PDE8B: variants seen among roughly 807,000 people sequenced by gnomAD.
The protein encoded by PDE8B is high affinity cAMP-specific and IBMX-insensitive 3',5'-cyclic phosphodiesterase 8B.
PDE8B carries 26 observed loss-of-function variants against 101.3 expected under a neutral mutation model. That is an observed-to-expected ratio of 0.26 (90% CI 0.19 to 0.36). The LOEUF is 0.36. PDE8B is among the 10% of genes least tolerant of loss of function. PDE8B has a pLI of 1.00. For synonymous variants in PDE8B, 424 were observed against 429.3 expected, an observed-to-expected ratio of 0.99 and a Z score of 0.15; for missense variants, 810 against 1,163.1, an observed-to-expected ratio of 0.70 and a Z score of 4.42.
At chr5:77,264,201 C>T (rs1047374793) in intron 1 of PDE8B, among the ~76,000 whole-genome samples, 1 of 152,178 alleles carries the variant, frequency 6.6e-6, no homozygotes, top group African/African-American at 2.4e-5. Context: ...TTTCAAGTTT[C>T]AACTATTATG....
intron 1 of PDE8B, among the ~76,000 whole-genome samples, chr5:77,284,589 G>A (rs576592661): frequency 1.3e-5 from 2 of 152,298 alleles, no homozygotes; most frequent in African/African-American, 4.8e-5. Flanking sequence ...CTATCACACA[G>A]GTTAAGCAAT....
At chr5:77,142,364 A>G in the PDE8B span, 1 of 152,212 alleles carries the variant, frequency 6.6e-6, no homozygotes. Flanking sequence ...ACACAATGTG[A>G]TAAGTTTTGA....
At chr5:77,308,511 C>T (rs1305751355) in intron 1 of PDE8B, among the ~76,000 whole-genome samples, 4 of 152,170 alleles carry the variant, frequency 2.6e-5, no homozygotes, top group Non-Finnish European at 4.4e-5. Flanking sequence ...TGTCCTCCCA[C>T]GAGCTCACAG....
chr5:77,121,300 A>T, the PDE8B span, among the ~76,000 whole-genome samples: 1 of 152,204 alleles, frequency 6.6e-6, no homozygotes, highest in Non-Finnish European at 1.5e-5. Flanking sequence ...TGTCCCTGCC[A>T]CATGGGCCTC....
intron 8 of PDE8B, among the ~76,000 whole-genome samples, chr5:77,350,248 G>A (rs565683913): frequency 1.3e-5 from 2 of 152,078 alleles, no homozygotes; most frequent in Admixed American, 6.5e-5. Flanking sequence ...TTTAATAGAG[G>A]GAACATTTTA....
the PDE8B span, chr5:77,142,187 T>C: frequency 6.6e-6 from 1 of 152,224 alleles, no homozygotes; most frequent in African/African-American, 2.4e-5. Flanking sequence ...TGTCTGGGGA[T>C]GTCACTTTTA....
intron 10 of PDE8B, among the ~76,000 whole-genome samples, chr5:77,369,610 C>G (rs908456473): frequency 2.0e-5 from 3 of 152,144 alleles, no homozygotes; most frequent in African/African-American, 7.2e-5. Context: ...GGCATCGTCT[C>G]AATTAATCAT....
intron 10 of PDE8B, among the ~76,000 whole-genome samples, chr5:77,390,546 AAC>A (rs1433627850): frequency 6.6e-6 from 1 of 152,200 alleles, no homozygotes; most frequent in Non-Finnish European, 1.5e-5. Flanking sequence ...CAAGAGGAGA[AAC>A]ACACCACACT....
chr5:77,089,517 T>C, the PDE8B span: 1 of 152,226 alleles, frequency 6.6e-6, no homozygotes, highest in African/African-American at 2.4e-5. Context: ...CCCCTGTCCA[T>C]GGAAAAATTG....
chr5:77,304,457 A>C (rs1770711672), intron 1 of PDE8B, among the ~76,000 whole-genome samples: 1 of 151,918 alleles, frequency 6.6e-6, no homozygotes, highest in Admixed American at 6.5e-5. Flanking sequence ...TTTAGATTTC[A>C]TCTCTCCAGC....
intron 2 of PDE8B, among the ~76,000 whole-genome samples, chr5:77,323,556 G>A (rs1775473874): frequency 6.6e-6 from 1 of 152,206 alleles, no homozygotes; most frequent in African/African-American, 2.4e-5. Context: ...GGATAGAGAT[G>A]AACTCACATT....
intron 1 of PDE8B, among the ~76,000 whole-genome samples, chr5:77,260,925 C>G (rs1232186268): frequency 6.6e-6 from 1 of 152,014 alleles, no homozygotes; most frequent in Non-Finnish European, 1.5e-5. Flanking sequence ...CCCCAAGTAC[C>G]CTGTTTCTTT....
At chr5:77,115,207 A>G in the PDE8B span, 4 of 152,194 alleles carry the variant, frequency 2.6e-5, no homozygotes, top group African/African-American at 7.2e-5. Context: ...TTCTGTGTCT[A>G]TTATTTGTTT....
At chr5:77,290,425 G>A (rs754710916) in intron 1 of PDE8B, 6 of 1,439,580 alleles carry the variant, frequency 4.2e-6, no homozygotes, top group East Asian at 2.3e-5. Flanking sequence ...GCAAGAGTCC[G>A]ACAGGCCAGT....
chr5:77,141,085 CT>C, the PDE8B span: 1 of 152,068 alleles, frequency 6.6e-6, no homozygotes, highest in Non-Finnish European at 1.5e-5. Context: ...CTTCTCTATA[CT>C]TTTGAGATAT....
chr5:77,278,711 C>T (rs183508974), intron 1 of PDE8B, among the ~76,000 whole-genome samples: 259 of 152,222 alleles, frequency 1.7e-3, no homozygotes, highest in Non-Finnish European at 2.5e-3. Context: ...CCTCGTGATT[C>T]CCAAAGTGCT....
chr5:77,351,107 A>G lies in PDE8B; in HGVS notation c.1060A>G (p.Ser354Gly). The G allele has an allele frequency of 1.2e-6, 2 of 1,614,172 alleles. No homozygotes were observed. Among genetic ancestry groups the G allele is most frequent in the Non-Finnish European group, 8.5e-7 (1 of 1,179,992 alleles). ...CTATGCCAGACGGAAATCCGGGGAC[A>G]GCATCCAACAGCACGTGAAGATCAC... Reference protein sequence around the residue: ...VYYARRKSGDSIQQHVKITPV... With the variant: ...VYYARRKSGDGIQQHVKITPV... The change falls in exon 9 of 22, where the codon AGC becomes GGC. Residue 354 changes from serine to glycine, a missense_variant. Physicochemically the swap from Ser to Gly is moderately conservative, Grantham distance 56. Around this residue, in one of 4 missense-constraint regions of PDE8B, gnomAD observed 251 missense variants for 378.8 expected, o/e 0.66. Coordinates refer to ENST00000264917, the MANE Select transcript of PDE8B (RefSeq NM_003719.5).
At chr5:77,287,959 A>G (rs915044626) in intron 1 of PDE8B, among the ~76,000 whole-genome samples, 3 of 152,014 alleles carry the variant, frequency 2.0e-5, no homozygotes, top group Non-Finnish European at 2.9e-5. Flanking sequence ...CTTTTGGTCA[A>G]CCTTTTTTTC....
At chr5:77,386,307 G>A (rs1050106587) in intron 10 of PDE8B, among the ~76,000 whole-genome samples, 4 of 152,196 alleles carry the variant, frequency 2.6e-5, no homozygotes, top group African/African-American at 7.2e-5. Context: ...TTGGTCCAGA[G>A]CTGAGTTCAA....
Sources: gnomAD v4.1 joint callset for allele counts (sites outside exome capture counted in the v4.1 genomes callset) on GRCh38, gnomAD v4.1.1 for gene constraint, gnomAD v4.1.1 regional missense constraint, MANE v1.5 for transcripts, NCBI Gene and HGNC (gene_info 2026-07-23, HGNC 2026-07-21) for gene names.